The following BHLHE40 variants were observed in gnomAD, a reference collection of about 807,000 sequenced individuals.
BHLHE40 encodes basic helix-loop-helix family member e40.
A neutral mutation model predicts 35.7 loss-of-function variants in BHLHE40; 3 were observed. That is an observed-to-expected ratio of 0.08 (90% CI 0.04 to 0.22). The LOEUF is 0.22. BHLHE40 is among the 10% of genes least tolerant of loss of function. The pLI is 1.00. For synonymous variants in BHLHE40, 236 were observed against 213.0 expected (o/e 1.11, Z -0.94); for missense variants, 486 against 524.0 (o/e 0.93, Z 0.71).
rs2053170637 is a variant in BHLHE40, at chr3:4,979,619, C to T, written c.-100C>T. 2 of 1,227,556 alleles carry T rather than the reference C, an allele frequency of 1.6e-6. No homozygotes were observed. Among genetic ancestry groups the T allele is most frequent in the Admixed American group, 2.3e-5 (1 of 44,128 alleles). The allele number at this position is 1,227,556 out of a possible 1,614,324, so 76.0% of individuals were successfully genotyped here. On this transcript the variant is annotated 5_prime_UTR_variant, in exon 1 of 5. Coordinates refer to ENST00000256495, the MANE Select transcript of BHLHE40 (RefSeq NM_003670.3). ...TTCAAAGAGCTCAGACTCAGAGGAA[C>T]ATCTGCGGAGAGACCCCCGAAGCCC...
In BHLHE40 at chr3:4,985,195, G is replaced by GT. The variant is rs1435943784; in HGVS notation, c.*1509dup. The GT allele has an allele frequency of 6.6e-6, 1 of 152,552 alleles. No individual in the cohort carries two copies. The highest frequency in any genetic ancestry group is 1.5e-5 in the Non-Finnish European group (1 of 68,030). The allele number at this position is 152,552 out of a possible 1,614,324, so 9.4% of individuals were successfully genotyped here. ...GTGGAAGAGAAAGATGGTCTCCTGA[G>GT]TTTTTTAAAATAGCTCACTTGGTGT... On this transcript the variant is annotated 3_prime_UTR_variant, in exon 5 of 5. Coordinates refer to ENST00000256495, the MANE Select transcript of BHLHE40 (RefSeq NM_003670.3).
rs757872715 is a variant in BHLHE40, at chr3:4,983,311, C to T, written c.858C>T (p.Pro286=). Residue 286 remains proline, a synonymous_variant, in exon 5 of 5, where the codon CCC becomes CCT. Coordinates refer to ENST00000256495, the MANE Select transcript of BHLHE40 (RefSeq NM_003670.3). This position sits in a 1 kb window ranked among gnomAD's most constrained non-coding sequence, Gnocchi z 5.0. ...GAIKQESEEP[P]TKKNRMQLSD... is the part of the protein sequence containing the mutation. ...TTAAGCAAGAGTCCGAAGAACCCCCCACAAAAAAGAACCGGATGCAGCTTT... is the reference window on the plus strand; with the variant it reads ...TTAAGCAAGAGTCCGAAGAACCCCCTACAAAAAAGAACCGGATGCAGCTTT... 5.0e-6 allele frequency: 8 copies of T among 1,614,064 alleles called. No homozygotes were observed. Among genetic ancestry groups the T allele is most frequent in the Non-Finnish European group, 5.9e-6 (7 of 1,180,040 alleles).
At position 4,982,943 on chromosome 3, in the gene BHLHE40, C is replaced by G; in HGVS notation, c.490C>G (p.Arg164Gly). Reference protein sequence around the residue: ...LQYLAKHENTRDLKSSQLVTH... With the variant: ...LQYLAKHENTGDLKSSQLVTH... ...GTATCTGGCCAAGCACGAGAACACT[C>G]GGGACCTGAAGTCTTCGCAGCTTGT... The change falls in exon 5 of 5, where the codon CGG becomes GGG. Residue 164 changes from arginine to glycine, a missense_variant. Physicochemically the swap from Arg to Gly is moderately radical, Grantham distance 125 (BLOSUM62 -2). Transcript: ENST00000256495. 1 of 1,614,048 alleles carries G rather than the reference C, an allele frequency of 6.2e-7. No individual in the cohort carries two copies. Among genetic ancestry groups the G allele is most frequent in the South Asian group, 1.1e-5 (1 of 91,070 alleles).
In BHLHE40 at chr3:4,979,951, T is replaced by C. The variant is rs1252810080; in HGVS notation, c.81-11T>C. 2.5e-6 allele frequency: 4 copies of C among 1,614,068 alleles called. No homozygotes were observed. Among genetic ancestry groups the C allele is most frequent in the Middle Eastern group, 1.6e-4 (1 of 6,062 alleles). ...AGCAGTCACGACCCTTCCTGGTCTC[T>C]CTTCCTGCAGGATGTACCCTGCCCA... On this transcript the variant is annotated splice_polypyrimidine_tract_variant and intron_variant, in intron 1 of 4. Coordinates refer to ENST00000256495, the MANE Select transcript of BHLHE40 (RefSeq NM_003670.3).
rs2053227761 is a variant in BHLHE40, at chr3:4,984,245, G to A, written c.*553G>A. ...CAGACCGAGCTTTCTGCTAACATGG[G>A]GAGGTAGCAGGCACTGGCATAGCAC... On this transcript the variant is annotated 3_prime_UTR_variant, in exon 5 of 5. Coordinates refer to ENST00000256495, the MANE Select transcript of BHLHE40 (RefSeq NM_003670.3). 1 of 154,012 alleles carries A rather than the reference G, an allele frequency of 6.5e-6. No homozygotes were observed. The highest frequency in any genetic ancestry group is 1.4e-5 in the Non-Finnish European group (1 of 69,212). 9.5% of individuals were successfully genotyped at this position (154,012 alleles called of 1,614,324 possible).
rs1463493230 is a variant in BHLHE40, at chr3:4,980,366, C to T, written c.216C>T (p.Ile72=). 1.9e-6 allele frequency: 3 copies of T among 1,614,008 alleles called. No individual in the cohort carries two copies. The highest frequency in any genetic ancestry group is 1.3e-5 in the African/African-American group (1 of 74,930). Residue 72 remains isoleucine (I), a synonymous_variant, in exon 3 of 5, where the codon ATC becomes ATT. Transcript: ENST00000256495. ...KKRRDRINEC[I]AQLKDLLPEH... Reference sequence around the variant, plus strand: ...GACGTGACCGGATTAACGAGTGCATCGCCCAGCTGAAGGATCTCCTACCCG... The same window carrying T: ...GACGTGACCGGATTAACGAGTGCATTGCCCAGCTGAAGGATCTCCTACCCG...
At chr3:4,979,826 G>T (rs73106063) in intron 1 of BHLHE40, 28 bp downstream of exon 1, 1 of 1,590,408 alleles carries the variant, frequency 6.3e-7, no homozygotes, top group Non-Finnish European at 8.6e-7. Context: ...GGCCCTTCAA[G>T]CCTCAACTGC....
chr3:4,983,701 G>T lies in BHLHE40; in HGVS notation c.*9G>T, dbSNP rs760062858. 16 of 1,577,118 alleles carry T rather than the reference G, an allele frequency of 1.0e-5. No individual in the cohort carries two copies. In the East Asian group the frequency reaches 3.6e-4, roughly 35 times the overall value. ...TAGAAACCAAAGACTAAACTCTCTA[G>T]GGGATCCTGCTGCTTTGCTTTCCTT... On this transcript the variant is annotated 3_prime_UTR_variant, in exon 5 of 5. Coordinates refer to ENST00000256495, the MANE Select transcript of BHLHE40 (RefSeq NM_003670.3). The surrounding 1 kb of genome is among the most constrained non-coding windows in gnomAD (Gnocchi z 5.0).
rs2053173402 is a variant in BHLHE40, at chr3:4,979,748, C to G, written c.30C>G (p.Pro10=). 1 of 1,577,440 alleles carries G rather than the reference C, an allele frequency of 6.3e-7. No homozygotes were observed. Among genetic ancestry groups the G allele is most frequent in the Admixed American group, 1.8e-5 (1 of 55,014 alleles). ...AGCGGATCCCCAGCGCGCAACCACC[C>G]CCCGCCTGCCTGCCCAAAGCACCGG... The part of the protein sequence containing the change: MERIPSAQP[P]PACLPKAPGL... Residue 10 remains proline, a synonymous_variant, in exon 1 of 5, where the codon CCC becomes CCG. Transcript: ENST00000256495.
chr3:4,979,819 C>T, intron 1 of BHLHE40, 21 bp downstream of exon 1: 2 of 1,589,100 alleles, frequency 1.3e-6, no homozygotes, highest in Non-Finnish European at 1.7e-6. Context: ...ACTCCTTGGC[C>T]CTTCAAGCCT....
rs2106496108 is a variant in BHLHE40 at position 4,979,983 on chromosome 3, C to T, written c.102C>T (p.Tyr34=). 1.2e-6 allele frequency: 2 copies of T among 1,614,174 alleles called. No individual in the cohort carries two copies. The highest frequency in any genetic ancestry group is 1.7e-6 in the Non-Finnish European group (2 of 1,180,028). Residue 34 remains tyrosine (Y), a synonymous_variant, in exon 2 of 5, where the codon TAC becomes TAT. Transcript: ENST00000256495. ...DLPGMYPAHM[Y]QVYKSRRGIK... ...GCAGGATGTACCCTGCCCACATGTA[C>T]CAAGTGTACAAGTCAAGACGGGGAA...
rs2053169675 is a variant in BHLHE40 at position 4,979,535 on chromosome 3, A to G, written c.-184A>G. 3.1e-6 allele frequency: 2 copies of G among 647,998 alleles called. No homozygotes were observed. Among genetic ancestry groups the G allele is most frequent in the Non-Finnish European group, 5.3e-6 (2 of 379,558 alleles). The allele number at this position is 647,998 out of a possible 1,614,324, so 40.1% of individuals were successfully genotyped here. On this transcript the variant is annotated 5_prime_UTR_variant, in exon 1 of 5. An upstream start codon of the reference 5' UTR is lost. Transcript: ENST00000256495. ...CCAGAGGCCGCGGGGACACCGGGCC[A>G]TGCACGCCCCCAACTGAAGCTGCAT...
chr3:4,979,765 A>G lies in BHLHE40; in HGVS notation c.47A>G (p.Lys16Arg). ...CAACCACCCCCCGCCTGCCTGCCCA[A>G]AGCACCGGGACTGGAGCACGGAGAC... Reference protein sequence around the residue: ...SAQPPPACLPKAPGLEHGDLP... With the variant: ...SAQPPPACLPRAPGLEHGDLP... Residue 16 changes from lysine (K) to arginine (R), a missense_variant, in exon 1 of 5, where the codon AAA (lysine) becomes AGA (arginine). Lys to Arg is a conservative substitution (Grantham distance 26). Transcript: ENST00000256495. 1 of 1,587,464 alleles carries G rather than the reference A, an allele frequency of 6.3e-7. No individual in the cohort carries two copies.
chr3:4,982,817 C>A lies in BHLHE40; in HGVS notation c.383-19C>A. On this transcript the variant is annotated intron_variant, in intron 4 of 4. Coordinates refer to ENST00000256495, the MANE Select transcript of BHLHE40 (RefSeq NM_003670.3). ...ACAGGCCTTCTGAAACGTTTTCCTT[C>A]GGATTTTTCTTTCCCCAGGTGAGCT... 4 of 1,613,352 alleles carry A rather than the reference C, an allele frequency of 2.5e-6. No individual in the cohort carries two copies. The highest frequency in any genetic ancestry group is 3.4e-6 in the Non-Finnish European group (4 of 1,179,826).
intron 3 of BHLHE40, 53 bp from the exon 4 acceptor site, chr3:4,981,339 C>G: frequency 6.3e-7 from 1 of 1,578,058 alleles, no homozygotes; most frequent in South Asian, 1.2e-5. Flanking sequence ...ATAAATGTCC[C>G]AAAGGTGGGA....
At position 4,983,626 on chromosome 3, in the gene BHLHE40, C is replaced by T. The variant is rs1045262958; in HGVS notation, c.1173C>T (p.Val391=). The stretch of plus-strand genomic sequence containing the variant: ...CTCCCTTGCCAGCTCATCCGTCCGT[C>T]GACTCTTCTGTCTTGCTCCAAGCTC... The part of the protein sequence containing the change: ...LPSPLPAHPS[V]DSSVLLQALK... The change falls in exon 5 of 5, where the codon GTC becomes GTT. Residue 391 remains valine, a synonymous_variant. Coordinates refer to ENST00000256495, the MANE Select transcript of BHLHE40 (RefSeq NM_003670.3). This position sits in a 1 kb window ranked among gnomAD's most constrained non-coding sequence, Gnocchi z 5.0. 4.3e-6 allele frequency: 7 copies of T among 1,614,036 alleles called. No homozygotes were observed. The highest frequency in any genetic ancestry group is 3.3e-5 in the Admixed American group (2 of 60,004).
Position 4,980,345 on chromosome 3 carries a change from T to G in BHLHE40, c.195T>G (p.Arg65=). 6.2e-7 allele frequency: 1 copy of G among 1,613,602 alleles called. No homozygotes were observed. The highest frequency in any genetic ancestry group is 8.5e-7 in the Non-Finnish European group (1 of 1,179,838). The change falls in exon 3 of 5, where the codon CGT becomes CGG. Residue 65 remains arginine, a synonymous_variant. Coordinates refer to ENST00000256495, the MANE Select transcript of BHLHE40 (RefSeq NM_003670.3). ...ACCGGCTCATCGAGAAAAAGAGACG[T>G]GACCGGATTAACGAGTGCATCGCCC... The part of the protein sequence containing the change: ...LPHRLIEKKR[R]DRINECIAQL...
At chr3:4,982,782 C>T (rs2053208871) in intron 4 of BHLHE40, 54 bp from the exon 5 acceptor site, 1 of 1,601,492 alleles carries the variant, frequency 6.2e-7, no homozygotes, top group African/African-American at 1.4e-5. Flanking sequence ...GTATAGTTTC[C>T]AGGTGCGCCA....
rs56076357 is a variant in BHLHE40, at chr3:4,983,829, G to GGTGTGTGTGTGTGTGTGT, written c.*146_*163dup. On this transcript the variant is annotated 3_prime_UTR_variant, in exon 5 of 5. Transcript: ENST00000256495. This position sits in a 1 kb window ranked among gnomAD's most constrained non-coding sequence, Gnocchi z 5.0. ...TCTGAGGCATGGAGAGCAGATTCAG[G>GGTGTGTGTGTGTGTGTGT]GTGTGTGTGTGTGTGTGTGTGTGTG... The GGTGTGTGTGTGTGTGTGT allele has an allele frequency of 1.9e-4, 132 of 698,666 alleles. No homozygotes were observed. The highest frequency in any genetic ancestry group is 1.3e-3 in the African/African-American group (74 of 55,294). 43.3% of individuals were successfully genotyped at this position (698,666 alleles called of 1,614,324 possible).
Sources: allele counts gnomAD v4.1 joint callset, GRCh38; gene constraint gnomAD v4.1.1; non-coding constraint Gnocchi (gnomAD v3.1); transcripts MANE v1.5; gene names NCBI Gene and HGNC (gene_info 2026-07-23, HGNC 2026-07-21).